The following RBMS1 variants were observed in gnomAD, a reference collection of about 807,000 sequenced individuals.
RBMS1 encodes the protein RNA-binding motif, single-stranded-interacting protein 1.
A neutral mutation model predicts 62.3 loss-of-function variants in RBMS1; 17 were observed. That is an observed-to-expected ratio of 0.27 (90% CI 0.19 to 0.41). The LOEUF (loss-of-function observed/expected upper bound fraction) is 0.41. Among genes scored for constraint, RBMS1 ranks in the 10% least tolerant of loss-of-function variants. The pLI, the probability that RBMS1 is intolerant of heterozygous loss-of-function variation, is 1.00. For synonymous variants in RBMS1, 172 were observed against 170.0 expected (o/e 1.01, Z -0.09); for missense variants, 334 against 504.5 (o/e 0.66, Z 3.24).
intron 1 of RBMS1, among the ~76,000 whole-genome samples, chr2:160,437,612 T>G (rs1052384937): frequency 2.0e-5 from 3 of 152,242 alleles, no homozygotes; most frequent in African/African-American, 7.2e-5. Context: ...AGGCAGTATG[T>G]GAATACGACA....
intron 1 of RBMS1, among the ~76,000 whole-genome samples, chr2:160,439,952 A>G (rs551997714): frequency 4.6e-5 from 7 of 151,872 alleles, no homozygotes; most frequent in African/African-American, 7.3e-5. Context: ...GCACTCGGCA[A>G]GCTGAGGCAG....
At chr2:160,286,483 C>T (rs1371076988) in intron 7 of RBMS1, among the ~76,000 whole-genome samples, 7 of 151,916 alleles carry the variant, frequency 4.6e-5, no homozygotes, top group Admixed American at 4.6e-4. Context: ...CCACGCAGGG[C>T]TAATTTTTGT....
At chr2:160,386,838 C>T (rs1350088446) in intron 1 of RBMS1, among the ~76,000 whole-genome samples, 2 of 152,194 alleles carry the variant, frequency 1.3e-5, no homozygotes, top group Admixed American at 6.5e-5. Flanking sequence ...AAGACATCAA[C>T]CATTCAGGTC....
At chr2:160,432,677 C>G (rs1422853395) in intron 1 of RBMS1, among the ~76,000 whole-genome samples, 1 of 151,982 alleles carries the variant, frequency 6.6e-6, no homozygotes, top group Non-Finnish European at 1.5e-5. Flanking sequence ...TTCTTAAATC[C>G]AGATATAAGG....
Position 160,332,432 on chromosome 2 carries a change from GA to G in RBMS1, c.252-14206del, listed in dbSNP as rs947176658. Among the ~76,000 whole-genome samples, 427 of 149,100 alleles carry G rather than the reference GA, an allele frequency of 2.9e-3. 1 individual carries two copies. Among genetic ancestry groups the G allele is most frequent in the African/African-American group, 9.6e-3 (391 of 40,746 alleles). ...GCCACAAACAAAAATCCACATAAGA[GA>G]AAAAAAAAATCAAACAACAGGGGGA... On this transcript the variant is annotated intron_variant, in intron 2 of 13. Transcript: ENST00000348849.
intron 1 of RBMS1, among the ~76,000 whole-genome samples, chr2:160,441,566 A>G (rs1178398327): frequency 6.6e-6 from 1 of 152,232 alleles, no homozygotes; most frequent in East Asian, 1.9e-4. Context: ...TCTATAAAAA[A>G]TTTAAAAAAT....
intron 1 of RBMS1, among the ~76,000 whole-genome samples, chr2:160,374,941 C>T (rs977476793): frequency 6.8e-6 from 1 of 147,312 alleles, no homozygotes; most frequent in Admixed American, 6.8e-5. Context: ...GGGCGGGGGA[C>T]GGTGGGGGGG....
At chr2:160,368,775 G>A (rs1553516038) in intron 1 of RBMS1, among the ~76,000 whole-genome samples, 2 of 152,118 alleles carry the variant, frequency 1.3e-5, no homozygotes, top group Non-Finnish European at 2.9e-5. Context: ...GAGGAGCTGG[G>A]ATTACAGACG....
At chr2:160,385,793 T>A (rs1285806551) in intron 1 of RBMS1, among the ~76,000 whole-genome samples, 1 of 152,184 alleles carries the variant, frequency 6.6e-6, no homozygotes, top group Non-Finnish European at 1.5e-5. Context: ...TTGGTAAGAT[T>A]ATTAGATGCA....
In RBMS1 at chr2:160,284,849, T is replaced by C; in HGVS notation, c.826A>G (p.Ser276Gly). The change falls in exon 9 of 14, where the codon AGT (serine) becomes GGT (glycine). Residue 276 changes from serine (S) to glycine (G), a missense_variant. Physicochemically the swap from Ser to Gly is moderately conservative, Grantham distance 56. Around this residue, in one of 3 missense-constraint regions of RBMS1, gnomAD observed 182 missense variants for 257.7 expected, o/e 0.71. Coordinates refer to ENST00000348849, the MANE Select transcript of RBMS1 (RefSeq NM_016836.4). ...GTGATCATTCGGTTTGTAGCAATAC[T>C]GTATGGTGAAGGATAAAATCTAGAA... ...IQNGFYPSPY[S>G]IATNRMITQT... 2 of 1,606,888 alleles carry C rather than the reference T, an allele frequency of 1.2e-6. No individual in the cohort carries two copies. Among genetic ancestry groups the C allele is most frequent in the Non-Finnish European group, 1.7e-6 (2 of 1,174,052 alleles).
intron 1 of RBMS1, among the ~76,000 whole-genome samples, chr2:160,389,806 T>TC (rs1034416664): frequency 1.3e-5 from 2 of 149,448 alleles, no homozygotes; most frequent in East Asian, 2.0e-4. Flanking sequence ...AGTTTTTTTT[T>TC]TTTTTCAATC....
chr2:160,318,229 T>TAAAAAAAAAAAAAAAAAAAAAAGAAA lies in RBMS1; in HGVS notation c.252-3_252-2insTTTCTTTTTTTTTTTTTTTTTTTTTT, dbSNP rs1690337597. On this transcript the variant is annotated splice_polypyrimidine_tract_variant and splice_region_variant and intron_variant, in intron 2 of 13. Coordinates refer to ENST00000348849, the MANE Select transcript of RBMS1 (RefSeq NM_016836.4). ...TTTGTGGAGACTATTTTCCCATATC[T>TAAAAAAAAAAAAAAAAAAAAAAGAAA]AAAAAAAAAAAAAAAAAAAAAAAGG... 13 of 1,164,714 alleles carry TAAAAAAAAAAAAAAAAAAAAAAGAAA rather than the reference T, an allele frequency of 1.1e-5. No individual in the cohort carries two copies. Among genetic ancestry groups the TAAAAAAAAAAAAAAAAAAAAAAGAAA allele is most frequent in the Middle Eastern group, 3.1e-4 (1 of 3,236 alleles). 72.1% of individuals were successfully genotyped at this position (1,164,714 alleles called of 1,614,324 possible).
rs146218422 is a variant in RBMS1 at position 160,387,921 on chromosome 2, T to C, written c.76-20530A>G. Among the ~76,000 whole-genome samples the C allele has an allele frequency of 1.4e-3, 215 of 152,322 alleles. 1 individual carries two copies. The highest frequency in any genetic ancestry group is 4.9e-3 in the African/African-American group (202 of 41,580). On this transcript the variant is annotated intron_variant, in intron 1 of 13. Transcript: ENST00000348849. Reference sequence around the variant, plus strand: ...AGGTTTATGCCTGGCCCTGGCATCTTAGCTGGCTCAGCATGTCCACAGGCT... The same window carrying C: ...AGGTTTATGCCTGGCCCTGGCATCTCAGCTGGCTCAGCATGTCCACAGGCT...
intron 2 of RBMS1, among the ~76,000 whole-genome samples, chr2:160,333,926 T>C (rs1481377398): frequency 6.6e-6 from 1 of 151,596 alleles, no homozygotes; most frequent in Non-Finnish European, 1.5e-5. Context: ...TCTAGTGAAC[T>C]TAAAAAAAAA....
chr2:160,432,972 A>G (rs1395558348), intron 1 of RBMS1, among the ~76,000 whole-genome samples: 7 of 152,164 alleles, frequency 4.6e-5, no homozygotes, highest in East Asian at 1.9e-4. Context: ...TAGTTGCCCA[A>G]TCCTCAGGGA....
chr2:160,396,550 CTTTTTTTTTTTTTTT>C (rs59600753), intron 1 of RBMS1, among the ~76,000 whole-genome samples: 4 of 77,850 alleles, frequency 5.1e-5, no homozygotes, highest in South Asian at 1.2e-3. Flanking sequence ...TTCTTTTTAT[CTTTTTTTTTTTTTTT>C]TTTTTTTTTT....
intron 2 of RBMS1, among the ~76,000 whole-genome samples, chr2:160,360,411 C>T (rs1303029459): frequency 1.3e-5 from 2 of 152,190 alleles, no homozygotes; most frequent in African/African-American, 4.8e-5. Flanking sequence ...TACTCTTCTA[C>T]TCCAACAGCT....
chr2:160,378,416 C>T (rs951863500), intron 1 of RBMS1, among the ~76,000 whole-genome samples: 11 of 152,058 alleles, frequency 7.2e-5, no homozygotes, highest in Admixed American at 7.2e-4. Flanking sequence ...AATTCAAGAT[C>T]AGCCTGGGCA....
chr2:160,277,179 T>C (rs1339927070), intron 12 of RBMS1, 124 bp downstream of exon 12: 13 of 865,028 alleles, frequency 1.5e-5, no homozygotes, highest in Non-Finnish European at 2.0e-5. Flanking sequence ...ACCCACCACA[T>C]CTGGCTAAAC....
Sources: allele counts gnomAD v4.1 joint callset (sites outside exome capture counted in the v4.1 genomes callset), GRCh38; gene constraint gnomAD v4.1.1; regional missense constraint gnomAD v4.1.1; transcripts MANE v1.5; gene names NCBI Gene and HGNC (gene_info 2026-07-23, HGNC 2026-07-21).